Variants in FZR1 observed in about 807,000 individuals in gnomAD.
FZR1 encodes fizzy-related protein homolog.
In FZR1, 11 loss-of-function variants were observed where a neutral mutation model predicts 63.6. That is an observed-to-expected ratio of 0.17 (90% CI 0.11 to 0.29). The LOEUF (loss-of-function observed/expected upper bound fraction) is 0.29. FZR1 is among the 10% of genes least tolerant of loss of function. The pLI, the probability that FZR1 is intolerant of heterozygous loss-of-function variation, is 1.00. For missense variants in FZR1, 440 were observed against 687.5 expected (o/e 0.64, Z 4.03); for synonymous variants, 328 against 297.9 (o/e 1.10, Z -1.04).
At chr19:3,534,225 A>AT in intron 12 of FZR1, 196 bp from the exon 13 acceptor site, 2 of 461,056 alleles carry the variant, frequency 4.3e-6, no homozygotes, top group South Asian at 2.7e-5. Context: ...CCGTCTTAAA[A>AT]TTAAAAAAAA....
Position 3,526,825 on chromosome 19 carries a change from G to T in FZR1, c.388-155G>T, listed in dbSNP as rs1480122710. Among the ~76,000 whole-genome samples, 3 of 152,132 alleles carry T rather than the reference G, an allele frequency of 2.0e-5. No individual in the cohort carries two copies. The East Asian group carries it at 5.8e-4, about 29-fold the overall frequency. ...GAGGGGTGGGGGGTCCGCAGTCCCC[G>T]CCAGGAAGGCGCCTGCCTTTTTACA... On this transcript the variant is annotated intron_variant, in intron 5 of 13. Coordinates refer to ENST00000441788, the MANE Select transcript of FZR1 (RefSeq NM_016263.4). The surrounding 1 kb of genome is among the most constrained non-coding windows in gnomAD (Gnocchi z 5.4).
chr19:3,533,976 A>G lies in FZR1; in HGVS notation c.1348-445A>G, dbSNP rs1361209253. 1.3e-5 allele frequency among the ~76,000 whole-genome samples: 2 copies of G among 151,974 alleles called. No individual in the cohort carries two copies. Among genetic ancestry groups the G allele is most frequent in the Non-Finnish European group, 2.9e-5 (2 of 67,990 alleles). ...GGTGGCTCACGCCTGTAATCCCTGCACTTCAGGAAGCCAGGGTGGGAGGAT... is the reference window on the plus strand; with the variant it reads ...GGTGGCTCACGCCTGTAATCCCTGCGCTTCAGGAAGCCAGGGTGGGAGGAT... On this transcript the variant is annotated intron_variant, in intron 12 of 13. Transcript: ENST00000441788. The surrounding 1 kb of genome is among the most constrained non-coding windows in gnomAD (Gnocchi z 4.9).
intron 7 of FZR1, among the ~76,000 whole-genome samples, chr19:3,529,353 T>A (rs2083205149): frequency 1.5e-5 from 2 of 132,512 alleles, no homozygotes; most frequent in African/African-American, 5.8e-5. Context: ...AGGGAGTGGA[T>A]GGGAGAGCGG....
intron 1 of FZR1, among the ~76,000 whole-genome samples, chr19:3,506,805 G>C (rs1400291430): frequency 6.6e-6 from 1 of 152,068 alleles, no homozygotes; most frequent in Admixed American, 6.5e-5. Flanking sequence ...GCTGAGCCCT[G>C]CACCCCCAAC....
In FZR1 at chr19:3,524,305, G is replaced by C. The variant is rs118131810; in HGVS notation, c.69+1247G>C. The stretch of plus-strand genomic sequence containing the variant: ...CAGCACCCTCCATCCAGTGCACTTC[G>C]AAGTCTCCCGGATGCAGCCAGGCCG... On this transcript the variant is annotated intron_variant, in intron 2 of 13. Transcript: ENST00000441788. Among the ~76,000 whole-genome samples, 1,296 of 152,332 alleles carry C rather than the reference G, an allele frequency of 8.5e-3. 12 individuals carry two copies. Among genetic ancestry groups the C allele is most frequent in the Non-Finnish European group, 0.015 (1,009 of 68,018 alleles).
intron 7 of FZR1, 111 bp from the exon 8 acceptor site, chr19:3,530,681 T>C (rs1169633596): frequency 2.7e-6 from 2 of 748,040 alleles, no homozygotes; most frequent in African/African-American, 3.5e-5. Context: ...TGAGATTGGA[T>C]GGGAGAGTGG....
Position 3,525,359 on chromosome 19 carries a change from G to A in FZR1, c.70-509G>A, listed in dbSNP as rs142264348. ...CCTGCCCGTGGGCCTGGCATCTCCCGGAGGCTTCTGGCACAGAAATCCCTG... is the reference window on the plus strand; with the variant it reads ...CCTGCCCGTGGGCCTGGCATCTCCCAGAGGCTTCTGGCACAGAAATCCCTG... On this transcript the variant is annotated intron_variant, in intron 2 of 13. Coordinates refer to ENST00000441788, the MANE Select transcript of FZR1 (RefSeq NM_016263.4). The surrounding 1 kb of genome is among the most constrained non-coding windows in gnomAD (Gnocchi z 4.2). Among the ~76,000 whole-genome samples, 1,012 of 152,074 alleles carry A rather than the reference G, an allele frequency of 6.7e-3. 12 individuals carry two copies. The highest frequency in any genetic ancestry group is 0.023 in the African/African-American group (944 of 41,474).
intron 1 of FZR1, among the ~76,000 whole-genome samples, chr19:3,517,279 C>A (rs1446325331): frequency 6.6e-6 from 1 of 152,062 alleles, no homozygotes; most frequent in African/African-American, 2.4e-5. Flanking sequence ...GGTCGCAGCT[C>A]CTCCAGAGGC....
rs200707167 is a variant in FZR1, at chr19:3,527,621, G to A, written c.471-10G>A. 4,522 of 1,596,620 alleles carry A rather than the reference G, an allele frequency of 2.8e-3. 13 individuals are homozygous for A. The highest frequency in any genetic ancestry group is 4.0e-3 in the Middle Eastern group (24 of 6,012). The stretch of plus-strand genomic sequence containing the variant: ...CGTGGCTCACGGATGCCACGTGGCC[G>A]CCTCTGCAGCCAGAAGCTGCTCCGG... On this transcript the variant is annotated splice_polypyrimidine_tract_variant and intron_variant, in intron 6 of 13. Transcript: ENST00000441788.
intron 1 of FZR1, among the ~76,000 whole-genome samples, chr19:3,512,996 G>A (rs1004195609): frequency 2.0e-5 from 3 of 152,092 alleles, no homozygotes; most frequent in South Asian, 2.1e-4. Flanking sequence ...CCCTAGCCCC[G>A]CAGAGGATGG....
In FZR1 at chr19:3,526,440, G is replaced by A. The variant is rs2083159023; in HGVS notation, c.387+54G>A. 1.4e-6 allele frequency: 2 copies of A among 1,440,764 alleles called. No homozygotes were observed. Among genetic ancestry groups the A allele is most frequent in the Non-Finnish European group, 9.4e-7 (1 of 1,062,000 alleles). The allele number at this position is 1,440,764 out of a possible 1,614,324, so 89.2% of individuals were successfully genotyped here. A position where few individuals can be genotyped will look rare whatever the true frequency, so the allele number is the denominator to read the frequency against. Reference sequence around the variant, plus strand: ...GCTGGCTCCCAGTGCAGCCTCCCCGGCCCCCCACCTCCCAGGCACCAGCTC... The same window carrying A: ...GCTGGCTCCCAGTGCAGCCTCCCCGACCCCCCACCTCCCAGGCACCAGCTC... On this transcript the variant is annotated intron_variant, in intron 5 of 13. Transcript: ENST00000441788. The surrounding 1 kb of genome is among the most constrained non-coding windows in gnomAD (Gnocchi z 5.4).
In FZR1 at chr19:3,514,383, C is replaced by T. The variant is rs1167978184; in HGVS notation, c.-35+7909C>T. ...CCTTGCACCCTGTGGACATTGGGGCCGGATCGTTCTCTGGGGTGCGGCCGT... is the reference window on the plus strand; with the variant it reads ...CCTTGCACCCTGTGGACATTGGGGCTGGATCGTTCTCTGGGGTGCGGCCGT... On this transcript the variant is annotated intron_variant, in intron 1 of 13. Coordinates refer to ENST00000441788, the MANE Select transcript of FZR1 (RefSeq NM_016263.4). This position sits in a 1 kb window ranked among gnomAD's most constrained non-coding sequence, Gnocchi z 4.2. Among the ~76,000 whole-genome samples the T allele has an allele frequency of 1.3e-5, 2 of 152,150 alleles. No individual in the cohort carries two copies. Among genetic ancestry groups the T allele is most frequent in the East Asian group, 3.9e-4 (2 of 5,192 alleles).
Position 3,536,481 on chromosome 19 carries a change from C to G in FZR1, c.*1645C>G, listed in dbSNP as rs2029973177. ...AAGGTTTTTAAATAAGAAAACCAAC[C>G]CTGCCTTCGCCCATGCCCGCCCCTG... On this transcript the variant is annotated 3_prime_UTR_variant, in exon 14 of 14. Transcript: ENST00000441788. 1 of 152,202 alleles carries G rather than the reference C, an allele frequency of 6.6e-6. No individual in the cohort carries two copies. The highest frequency in any genetic ancestry group is 2.4e-5 in the African/African-American group (1 of 41,448). The allele number at this position is 152,202 out of a possible 1,614,324, so 9.4% of individuals were successfully genotyped here. A position where few individuals can be genotyped will look rare whatever the true frequency, so the allele number is the denominator to read the frequency against.
At chr19:3,517,612 C>T (rs1327898955) in intron 1 of FZR1, among the ~76,000 whole-genome samples, 9 of 151,410 alleles carry the variant, frequency 5.9e-5, no homozygotes, top group East Asian at 2.0e-4. Flanking sequence ...TGCTTGAACC[C>T]GGGAGGCAGA....
At chr19:3,511,768 G>T (rs939939396) in intron 1 of FZR1, among the ~76,000 whole-genome samples, 5 of 152,146 alleles carry the variant, frequency 3.3e-5, no homozygotes, top group African/African-American at 7.2e-5. Context: ...AACTCGCCTC[G>T]CCATGGCTCA....
intron 1 of FZR1, 84 bp from the exon 2 acceptor site, chr19:3,522,872 C>G (rs1274025031): frequency 1.3e-6 from 1 of 757,444 alleles, no homozygotes; most frequent in African/African-American, 1.7e-5. Flanking sequence ...CTCTAGCTCC[C>G]AGGGCCTGGA....
At chr19:3,508,350 C>G (rs2083001089) in intron 1 of FZR1, among the ~76,000 whole-genome samples, 1 of 151,970 alleles carries the variant, frequency 6.6e-6, no homozygotes, top group Non-Finnish European at 1.5e-5. Flanking sequence ...GTGTGCGCAC[C>G]ACGCCCGGCT....
Position 3,526,013 on chromosome 19 carries a change from G to A in FZR1, c.195+20G>A. ...ATTAACGTGAGGGGCTGGCTGGGCA[G>A]GAGATGGGACCCCCCGGGAAGCCCA... is the stretch of plus-strand genomic sequence containing the variant. On this transcript the variant is annotated intron_variant, in intron 3 of 13. Transcript: ENST00000441788. This position sits in a 1 kb window ranked among gnomAD's most constrained non-coding sequence, Gnocchi z 5.4. The A allele has an allele frequency of 2.5e-6, 4 of 1,611,534 alleles. 1 individual carries two copies. In the Admixed American group the frequency reaches 5.0e-5, roughly 20 times the overall value.
intron 10 of FZR1, 74 bp from the exon 11 acceptor site, chr19:3,532,343 G>C (rs972937929): frequency 4.1e-6 from 5 of 1,218,686 alleles, no homozygotes; most frequent in Non-Finnish European, 5.7e-6. Context: ...AGGGCAGGTC[G>C]TCACACCTGT....
Sources: allele counts gnomAD v4.1 joint callset (sites outside exome capture counted in the v4.1 genomes callset), GRCh38; gene constraint gnomAD v4.1.1; non-coding constraint Gnocchi (gnomAD v3.1); transcripts MANE v1.5; gene names NCBI Gene and HGNC (gene_info 2026-07-23, HGNC 2026-07-21).